The following COL28A1 variants were observed in gnomAD, a reference collection of about 807,000 sequenced individuals.
The protein encoded by COL28A1 is collagen alpha-1(XXVIII) chain.
In COL28A1, 161 loss-of-function variants were observed where a neutral mutation model predicts 150.2. The observed-to-expected ratio is 1.07, with a 90% CI of 0.94 to 1.22. COL28A1 has a LOEUF of 1.22. COL28A1 is among the 50% of genes most tolerant of loss of function. The pLI is 0.00. For missense variants in COL28A1, 1,617 were observed against 1,388.3 expected (o/e 1.16, Z -2.62); for synonymous variants, 552 against 469.7 (o/e 1.18, Z -2.26).
intron 27 of COL28A1, among the ~76,000 whole-genome samples, chr7:7,417,394 G>A (rs1335529021): frequency 6.7e-6 from 1 of 150,324 alleles, no homozygotes; most frequent in Admixed American, 6.6e-5. Flanking sequence ...TCTGGGAAAG[G>A]GCATTAGTAC....
rs780831385 is a variant in COL28A1 at position 7,432,517 on chromosome 7, G to A, written c.1954C>T (p.Pro652Ser). The stretch of plus-strand genomic sequence containing the variant: ...ACTCCACGTAAACCCATCGGCCCAG[G>A]GGGTCCTGGTAATCCACGAGGTCCC... ...VPGPRGLPGPPGPMGLRGVGD... is the reference protein window; with the variant it reads ...VPGPRGLPGPSGPMGLRGVGD... Residue 652 changes from proline (P) to serine (S), a missense_variant, in exon 25 of 35, where the codon CCT (proline) becomes TCT (serine). By Grantham distance (74) the Pro-to-Ser change is moderately conservative (BLOSUM62 -1). Coordinates refer to ENST00000399429, the MANE Select transcript of COL28A1 (RefSeq NM_001037763.3). The A allele has an allele frequency of 5.0e-6, 8 of 1,614,066 alleles. No individual in the cohort carries two copies. The Admixed American group carries it at 8.3e-5, about 17-fold the overall frequency.
intron 13 of COL28A1, among the ~76,000 whole-genome samples, chr7:7,477,747 A>G (rs1040853590): frequency 6.6e-6 from 1 of 152,198 alleles, no homozygotes; most frequent in African/African-American, 2.4e-5. Context: ...GCAAACAGCA[A>G]AAGAACAAAG....
intron 13 of COL28A1, among the ~76,000 whole-genome samples, chr7:7,488,451 C>T (rs1779742754): frequency 1.3e-5 from 2 of 152,304 alleles, no homozygotes; most frequent in South Asian, 4.1e-4. Flanking sequence ...ACCAGCTATC[C>T]ACAATCAGTT....
chr7:7,356,362 G>A (rs114949317), downstream of COL28A1: 1 of 152,174 alleles, frequency 6.6e-6, no homozygotes, highest in Non-Finnish European at 1.5e-5. Context: ...ATGGAATAGA[G>A]AGCTGGGATG....
chr7:7,430,033 T>C (rs1457482633), intron 25 of COL28A1, among the ~76,000 whole-genome samples: 2 of 152,224 alleles, frequency 1.3e-5, no homozygotes, highest in African/African-American at 4.8e-5. Flanking sequence ...CAGGGGACTT[T>C]TGGAGGAAAA....
chr7:7,458,040 C>G (rs1358400989), intron 15 of COL28A1, among the ~76,000 whole-genome samples: 1 of 152,172 alleles, frequency 6.6e-6, no homozygotes, highest in Non-Finnish European at 1.5e-5. Flanking sequence ...CCTGTGGTCT[C>G]ATAACATTTT....
intron 16 of COL28A1, among the ~76,000 whole-genome samples, chr7:7,454,435 A>G (rs977980368): frequency 5.9e-5 from 9 of 152,250 alleles, no homozygotes; most frequent in Non-Finnish European, 1.3e-4. Flanking sequence ...CATTTTACAA[A>G]TAGAGATCTC....
At chr7:7,442,061 G>T (rs554877435) in intron 20 of COL28A1, among the ~76,000 whole-genome samples, 1 of 151,920 alleles carries the variant, frequency 6.6e-6, no homozygotes, top group African/African-American at 2.4e-5. Context: ...GTAATAAATC[G>T]CCAACACTGA....
At chr7:7,442,016 C>T (rs1180693071) in intron 20 of COL28A1, among the ~76,000 whole-genome samples, 1 of 152,098 alleles carries the variant, frequency 6.6e-6, no homozygotes, top group Non-Finnish European at 1.5e-5. Flanking sequence ...TGACCTAAAT[C>T]ACCCCAGAAA....
rs1052832211 is a variant in COL28A1 at position 7,375,329 on chromosome 7, A to T, written c.2359+132T>A. 8.8e-6 allele frequency: 7 copies of T among 794,118 alleles called. No homozygotes were observed. The Admixed American group carries it at 2.3e-4, about 26-fold the overall frequency. The allele number at this position is 794,118 out of a possible 1,614,324, so 49.2% of individuals were successfully genotyped here. A position where few individuals can be genotyped will look rare whatever the true frequency, so the allele number is the denominator to read the frequency against. On this transcript the variant is annotated intron_variant, in intron 31 of 34. Transcript: ENST00000399429. Reference sequence around the variant, plus strand: ...TACTGCTTCCTTTCAGTTTCCATCGACTTTTCAAATGAGCTTCACATTTTC... The same window carrying T: ...TACTGCTTCCTTTCAGTTTCCATCGTCTTTTCAAATGAGCTTCACATTTTC...
Position 7,381,535 on chromosome 7 carries a change from G to C in COL28A1, c.2205+9C>G, listed in dbSNP as rs774956623. On this transcript the variant is annotated intron_variant, in intron 28 of 34. Coordinates refer to ENST00000399429, the MANE Select transcript of COL28A1 (RefSeq NM_001037763.3). ...CCTAAGCATTTCTCTAAGATCCTGA[G>C]ACACTTACCTTCTGGCCTGGGAGGC... The C allele has an allele frequency of 1.2e-6, 2 of 1,609,456 alleles. No homozygotes were observed. Among genetic ancestry groups the C allele is most frequent in the Non-Finnish European group, 8.5e-7 (1 of 1,176,288 alleles).
chr7:7,341,769 T>C, the COL28A1 span, among the ~76,000 whole-genome samples: 5 of 152,172 alleles, frequency 3.3e-5, no homozygotes, highest in African/African-American at 1.2e-4. Context: ...AGTGAACTTT[T>C]TGTTGATTTC....
At chr7:7,346,727 C>A in the COL28A1 span, among the ~76,000 whole-genome samples, 1 of 151,848 alleles carries the variant, frequency 6.6e-6, no homozygotes, top group African/African-American at 2.4e-5. Context: ...CTCATTTAAG[C>A]TCAAGGTAAA....
rs565265300 is a variant in COL28A1 at position 7,439,369 on chromosome 7, C to A, written c.1722+1421G>T. ...CAAGAATCGGGAAACACAAAAAAAC[C>A]CCATCCAAGCCTTTGACAAAGGAAC... On this transcript the variant is annotated intron_variant, in intron 21 of 34. Transcript: ENST00000399429. 2.0e-5 allele frequency among the ~76,000 whole-genome samples: 3 copies of A among 152,126 alleles called. No homozygotes were observed. In the East Asian group the frequency reaches 5.8e-4, roughly 29 times the overall value.
intron 27 of COL28A1, among the ~76,000 whole-genome samples, chr7:7,393,364 C>T (rs1254130044): frequency 6.6e-6 from 1 of 152,180 alleles, no homozygotes; most frequent in African/African-American, 2.4e-5. Context: ...CACCAGATGC[C>T]AGACAGAGCT....
At chr7:7,421,637 A>C (rs1784393343) in intron 25 of COL28A1, among the ~76,000 whole-genome samples, 1 of 152,204 alleles carries the variant, frequency 6.6e-6, no homozygotes, top group African/African-American at 2.4e-5. Context: ...TTGTTCATTC[A>C]GAAAAACAGT....
chr7:7,482,004 T>G (rs1397856720), intron 13 of COL28A1, among the ~76,000 whole-genome samples: 1 of 152,124 alleles, frequency 6.6e-6, no homozygotes, highest in East Asian at 1.9e-4. Flanking sequence ...ACAAAACTAG[T>G]GGTAATCACA....
At chr7:7,478,616 C>T (rs1204418122) in intron 13 of COL28A1, among the ~76,000 whole-genome samples, 1 of 152,268 alleles carries the variant, frequency 6.6e-6, no homozygotes, top group East Asian at 1.9e-4. Context: ...TGGGGAGGCT[C>T]AGGCCACACA....
Position 7,373,518 on chromosome 7 carries a change from T to C in COL28A1, c.2388A>G (p.Pro796=), listed in dbSNP as rs61744841. The C allele has an allele frequency of 0.057, 91,423 of 1,612,520 alleles. 5,269 individuals carry two copies. Among genetic ancestry groups the C allele is most frequent in the African/African-American group, 0.3 (22,369 of 74,870 alleles). ...TGTCGATCACAAACACCAGCTCTAG[T>C]GGAGTCTCTTTGCATTTGGGCCCAC... The part of the protein sequence containing the change: ...CGCGPKCKET[P]LELVFVIDSS... Residue 796 remains proline, a synonymous_variant, in exon 32 of 35, where the codon CCA becomes CCG. Coordinates refer to ENST00000399429, the MANE Select transcript of COL28A1 (RefSeq NM_001037763.3). The surrounding 1 kb of genome is among the most constrained non-coding windows in gnomAD (Gnocchi z 4.1).
Sources: allele counts gnomAD v4.1 joint callset (sites outside exome capture counted in the v4.1 genomes callset), GRCh38; gene constraint gnomAD v4.1.1; non-coding constraint Gnocchi (gnomAD v3.1); transcripts MANE v1.5; gene names NCBI Gene and HGNC (gene_info 2026-07-23, HGNC 2026-07-21).